The following FREM3 variants were observed in gnomAD, a reference collection of about 807,000 sequenced individuals.
The protein encoded by FREM3 is FRAS1 related extracellular matrix 3.
FREM3 carries 105 observed loss-of-function variants against 129.1 expected under a neutral mutation model. The ratio of observed to expected loss-of-function variants is 0.81; its 90% CI spans 0.69 to 0.96. FREM3 has a LOEUF of 0.96. Among genes scored for constraint, FREM3 ranks in the 40% least tolerant of loss-of-function variants. The probability of loss-of-function intolerance (pLI) is 0.00; values close to 1 mark genes in which losing one functional copy is unlikely to be tolerated. For missense variants in FREM3, 2,593 were observed against 2,666.3 expected (o/e 0.97, Z 0.61); for synonymous variants, 1,014 against 1,044.9 (o/e 0.97, Z 0.57).
chr4:143,681,882 A>T (rs1352697116), intron 2 of FREM3, among the ~76,000 whole-genome samples: 1 of 152,232 alleles, frequency 6.6e-6, no homozygotes, highest in African/African-American at 2.4e-5. Flanking sequence ...TAGGTAAGAT[A>T]TTCACTGTGC....
At chr4:143,652,871 C>T (rs531178993) in intron 2 of FREM3, among the ~76,000 whole-genome samples, 5 of 152,266 alleles carry the variant, frequency 3.3e-5, no homozygotes, top group African/African-American at 4.8e-5. Flanking sequence ...TCAAGTGATC[C>T]GCCTGCCTCG....
intron 6 of FREM3, among the ~76,000 whole-genome samples, chr4:143,603,267 T>C (rs1264697915): frequency 6.6e-6 from 1 of 152,140 alleles, no homozygotes; most frequent in African/African-American, 2.4e-5. Context: ...CTGGAAGACA[T>C]CTAGGTGGTT....
rs115306550 is a variant in FREM3, at chr4:143,682,553, G to A, written c.5275+10560C>T. Among the ~76,000 whole-genome samples the A allele has an allele frequency of 2.3e-3, 347 of 152,304 alleles. 2 individuals carry two copies. The highest frequency in any genetic ancestry group is 3.9e-3 in the Non-Finnish European group (262 of 68,036). The stretch of plus-strand genomic sequence containing the variant: ...CACTGCTTGGGTCTGCTCCCACACC[G>A]TGGAGTGTACTTTTCTTTTCAATAA... On this transcript the variant is annotated intron_variant, in intron 2 of 7. Transcript: ENST00000329798.
chr4:143,588,200 T>C (rs1005396853), intron 6 of FREM3, among the ~76,000 whole-genome samples: 15 of 152,130 alleles, frequency 9.9e-5, no homozygotes, highest in African/African-American at 3.4e-4. Flanking sequence ...CTCTTTAAAA[T>C]GCAAAAATGT....
At chr4:143,592,757 C>G (rs547198091) in intron 6 of FREM3, among the ~76,000 whole-genome samples, 2 of 152,250 alleles carry the variant, frequency 1.3e-5, no homozygotes, top group South Asian at 2.1e-4. Flanking sequence ...GTGGCATTCT[C>G]TGTATTTCCT....
At chr4:143,600,918 C>T (rs984123658) in intron 6 of FREM3, among the ~76,000 whole-genome samples, 2 of 151,622 alleles carry the variant, frequency 1.3e-5, no homozygotes, top group African/African-American at 4.8e-5. Flanking sequence ...GATCACTAGT[C>T]ACTTCATTCT....
chr4:143,647,316 ATG>A (rs2149847780), intron 2 of FREM3, among the ~76,000 whole-genome samples: 1 of 152,342 alleles, frequency 6.6e-6, no homozygotes, highest in African/African-American at 2.4e-5. Context: ...CAGTCTGACA[ATG>A]TGATAGAAAA....
At chr4:143,603,242 A>T (rs1463900129) in intron 6 of FREM3, among the ~76,000 whole-genome samples, 1 of 152,198 alleles carries the variant, frequency 6.6e-6, no homozygotes, top group East Asian at 1.9e-4. Context: ...GAGCCAAGGA[A>T]CTGCTTCTAC....
chr4:143,590,913 A>C (rs1427426826), intron 6 of FREM3, among the ~76,000 whole-genome samples: 11 of 152,222 alleles, frequency 7.2e-5, no homozygotes, highest in African/African-American at 2.6e-4. Flanking sequence ...CCTCAATTTC[A>C]GATTCTGTTA....
At chr4:143,595,411 T>A (rs1238592067) in intron 6 of FREM3, among the ~76,000 whole-genome samples, 1 of 152,226 alleles carries the variant, frequency 6.6e-6, no homozygotes, top group African/African-American at 2.4e-5. Context: ...TTAAAAAATA[T>A]TTTTTACTTC....
chr4:143,620,963 G>A, intron 5 of FREM3, 74 bp downstream of exon 5: 3 of 1,422,198 alleles, frequency 2.1e-6, no homozygotes, highest in Non-Finnish European at 2.9e-6. Context: ...CACCCTCTGT[G>A]GTACTCCCAG....
intron 3 of FREM3, among the ~76,000 whole-genome samples, chr4:143,626,448 G>A (rs1007244706): frequency 1.3e-5 from 2 of 152,118 alleles, no homozygotes; most frequent in African/African-American, 2.4e-5. Context: ...GTTCAGTTAG[G>A]GCAAACATTC....
At chr4:143,616,343 A>G (rs553383821) in intron 5 of FREM3, among the ~76,000 whole-genome samples, 2 of 152,330 alleles carry the variant, frequency 1.3e-5, no homozygotes, top group South Asian at 2.1e-4. Flanking sequence ...ACAGAAAACT[A>G]TAATCCCCCC....
intron 3 of FREM3, among the ~76,000 whole-genome samples, chr4:143,626,494 G>A (rs1026192162): frequency 1.3e-5 from 2 of 152,044 alleles, no homozygotes; most frequent in African/African-American, 4.8e-5. Context: ...TTTTTCTTGG[G>A]TCAGGATACA....
rs927041339 is a variant in FREM3, at chr4:143,664,076, C to T, written c.5275+29037G>A. 1.3e-5 allele frequency among the ~76,000 whole-genome samples: 2 copies of T among 152,142 alleles called. 1 individual carries two copies. Among genetic ancestry groups the T allele is most frequent in the Admixed American group, 1.3e-4 (2 of 15,266 alleles). Reference sequence around the variant, plus strand: ...TAGTTTGATCGTCTGAAGTCTTCTTCTCTCAACTCATCAAAGTCATTCTCC... The same window carrying T: ...TAGTTTGATCGTCTGAAGTCTTCTTTTCTCAACTCATCAAAGTCATTCTCC... On this transcript the variant is annotated intron_variant, in intron 2 of 7. Transcript: ENST00000329798.
At chr4:143,595,704 G>A (rs1450268328) in intron 6 of FREM3, among the ~76,000 whole-genome samples, 7 of 152,078 alleles carry the variant, frequency 4.6e-5, no homozygotes, top group East Asian at 1.9e-4. Context: ...TGGCTAACAC[G>A]GTGAAACCCC....
At chr4:143,593,949 C>T (rs566233572) in intron 6 of FREM3, among the ~76,000 whole-genome samples, 65 of 152,288 alleles carry the variant, frequency 4.3e-4, no homozygotes, top group African/African-American at 1.3e-3. Flanking sequence ...CCTCCAGCCT[C>T]GCTGCCACCT....
At chr4:143,652,892 G>A (rs1343333358) in intron 2 of FREM3, among the ~76,000 whole-genome samples, 1 of 152,198 alleles carries the variant, frequency 6.6e-6, no homozygotes, top group Non-Finnish European at 1.5e-5. Flanking sequence ...GCCTCCCTAA[G>A]TGCTAGGATT....
intron 2 of FREM3, among the ~76,000 whole-genome samples, chr4:143,643,009 T>C (rs1280397693): frequency 1.3e-5 from 2 of 152,160 alleles, no homozygotes; most frequent in Admixed American, 6.5e-5. Context: ...AACGGGTATA[T>C]GAAAAAGTGT....
Sources: allele counts gnomAD v4.1 joint callset (sites outside exome capture counted in the v4.1 genomes callset), GRCh38; gene constraint gnomAD v4.1.1; transcripts MANE v1.5; gene names NCBI Gene and HGNC (gene_info 2026-07-23, HGNC 2026-07-21).